The following DENND4A variants were observed in gnomAD, a reference collection of about 807,000 sequenced individuals.
The protein encoded by DENND4A is C-myc promoter-binding protein.
In DENND4A, 70 loss-of-function variants were observed where a neutral mutation model predicts 199.3. The observed-to-expected ratio is 0.35, with a 90% CI of 0.29 to 0.43. The LOEUF (loss-of-function observed/expected upper bound fraction) is 0.43. DENND4A is among the 20% of genes least tolerant of loss of function. The pLI is 1.00. For synonymous variants in DENND4A, 686 were observed against 766.9 expected (o/e 0.89, Z 1.74); for missense variants, 1,723 against 2,255.8 (o/e 0.76, Z 4.78).
At chr15:65,749,388 G>C (rs1398251906) in intron 4 of DENND4A, among the ~76,000 whole-genome samples, 1 of 152,192 alleles carries the variant, frequency 6.6e-6, no homozygotes, top group Non-Finnish European at 1.5e-5. Context: ...TGGTTGTGCA[G>C]AACTGAGTTA....
chr15:65,726,775 G>T (rs1032973120), intron 11 of DENND4A, among the ~76,000 whole-genome samples: 1 of 152,032 alleles, frequency 6.6e-6, no homozygotes, highest in East Asian at 1.9e-4. Context: ...GGCCAACACG[G>T]TGAAAACCCC....
chr15:65,719,534 G>A (rs1052437484), intron 12 of DENND4A, among the ~76,000 whole-genome samples: 10 of 152,136 alleles, frequency 6.6e-5, no homozygotes, highest in East Asian at 1.9e-4. Context: ...AATAGTGTGC[G>A]ATCTGATATA....
In DENND4A at chr15:65,706,309, T is replaced by A. The variant is rs556206446; in HGVS notation, c.1954-85A>T. Reference sequence around the variant, plus strand: ...TAAAGGGAAGTGGTTAAATAAACCATCTGCACAATGGATACTAAACAGCTA... The same window carrying A: ...TAAAGGGAAGTGGTTAAATAAACCAACTGCACAATGGATACTAAACAGCTA... On this transcript the variant is annotated intron_variant, in intron 14 of 32. Transcript: ENST00000443035. The A allele has an allele frequency of 2.2e-4, 274 of 1,260,850 alleles. 1 individual carries two copies. In the East Asian group the frequency reaches 7.9e-3, roughly 36 times the overall value. 78.1% of individuals were successfully genotyped at this position (1,260,850 alleles called of 1,614,324 possible).
At position 65,748,788 on chromosome 15, in the gene DENND4A, C is replaced by T. The variant is rs113063665; in HGVS notation, c.561+3591G>A. ...AATGCTGGAGCTCAGGAGTTCAAGA[C>T]GAGCCGGGGGTATGTAGGGAAACCT... On this transcript the variant is annotated intron_variant, in intron 4 of 32. Coordinates refer to ENST00000443035, the MANE Select transcript of DENND4A (RefSeq NM_001320835.1). Among the ~76,000 whole-genome samples the T allele has an allele frequency of 4.6e-3, 694 of 151,792 alleles. 7 individuals carry two copies. Among genetic ancestry groups the T allele is most frequent in the African/African-American group, 0.016 (670 of 41,420 alleles).
chr15:65,763,044 C>A lies in DENND4A; in HGVS notation c.-101-1606G>T, dbSNP rs76149835. Among the ~76,000 whole-genome samples, 20 of 152,056 alleles carry A rather than the reference C, an allele frequency of 1.3e-4. No homozygotes were observed. In the East Asian group the frequency reaches 3.9e-3, roughly 29 times the overall value. On this transcript the variant is annotated intron_variant, in intron 1 of 32. Transcript: ENST00000443035. ...AATTTAGTAACTTGTAATTATGAGT[C>A]ATTTTAAACACTAGATGGAAAGATG...
intron 11 of DENND4A, among the ~76,000 whole-genome samples, chr15:65,725,793 T>C (rs1328451243): frequency 6.6e-6 from 1 of 152,230 alleles, no homozygotes; most frequent in Non-Finnish European, 1.5e-5. Context: ...TATTAATTTC[T>C]TTCCCTTTCT....
At chr15:65,704,210 G>A (rs1019369836) in intron 15 of DENND4A, among the ~76,000 whole-genome samples, 1 of 152,106 alleles carries the variant, frequency 6.6e-6, no homozygotes, top group Non-Finnish European at 1.5e-5. Context: ...CAAAGACAAT[G>A]TAAGTTTATG....
At chr15:65,749,966 G>C (rs1441318865) in intron 4 of DENND4A, among the ~76,000 whole-genome samples, 1 of 152,068 alleles carries the variant, frequency 6.6e-6, no homozygotes, top group Non-Finnish European at 1.5e-5. Context: ...ATTAATCAAA[G>C]TAGCATTACT....
intron 23 of DENND4A, among the ~76,000 whole-genome samples, chr15:65,684,525 A>G (rs781061629): frequency 2.0e-4 from 30 of 152,170 alleles, no homozygotes; most frequent in Non-Finnish European, 4.0e-4. Context: ...CTTTGGTGAA[A>G]TATCTATTTA....
chr15:65,707,780 G>T (rs1279459468), intron 14 of DENND4A, among the ~76,000 whole-genome samples: 3 of 151,610 alleles, frequency 2.0e-5, no homozygotes, highest in Non-Finnish European at 4.4e-5. Flanking sequence ...CCGCCTCCCA[G>T]GTTCAAGCAA....
intron 2 of DENND4A, among the ~76,000 whole-genome samples, chr15:65,760,944 A>G (rs1191776589): frequency 3.9e-5 from 6 of 152,170 alleles, no homozygotes; most frequent in Admixed American, 2.6e-4. Flanking sequence ...CATATATTTA[A>G]TAAGTTTTTT....
chr15:65,737,055 A>G (rs2076139245), intron 7 of DENND4A, among the ~76,000 whole-genome samples: 1 of 152,148 alleles, frequency 6.6e-6, no homozygotes, highest in Non-Finnish European at 1.5e-5. Flanking sequence ...TTATATGTAA[A>G]TACGGTAAGG....
rs1596472840 is a variant in DENND4A at position 65,701,884 on chromosome 15, A to G, written c.2437T>C (p.Tyr813His). 4 of 1,613,774 alleles carry G rather than the reference A, an allele frequency of 2.5e-6. No individual in the cohort carries two copies. Among genetic ancestry groups the G allele is most frequent in the South Asian group, 2.2e-5 (2 of 91,038 alleles). The change falls in exon 18 of 33, where the codon TAC becomes CAC. Residue 813 changes from tyrosine to histidine, a missense_variant. Tyr to His is a moderately conservative substitution (Grantham distance 83). Transcript: ENST00000443035. Reference protein sequence around the residue: ...KKMDPPDEVCYRILMQLCGQY... With the variant: ...KKMDPPDEVCHRILMQLCGQY... The stretch of plus-strand genomic sequence containing the variant: ...CCACAGAGTTGCATAAGAATGCGGT[A>G]GCATACCTGAAATACAAGTTCAAAA...
intron 20 of DENND4A, among the ~76,000 whole-genome samples, chr15:65,699,541 A>AAT (rs1306907306): frequency 1.3e-5 from 2 of 150,912 alleles, no homozygotes; most frequent in African/African-American, 4.8e-5. Flanking sequence ...CACATATATA[A>AAT]ACATACACAT....
At chr15:65,696,324 C>T in intron 22 of DENND4A, 42 bp downstream of exon 22, 3 of 1,584,902 alleles carry the variant, frequency 1.9e-6, no homozygotes, top group Non-Finnish European at 2.6e-6. Context: ...CATACAGATA[C>T]AATTTATTCC....
chr15:65,679,759 C>T (rs1459296134), intron 23 of DENND4A, among the ~76,000 whole-genome samples: 1 of 151,892 alleles, frequency 6.6e-6, no homozygotes, highest in African/African-American at 2.4e-5. Context: ...GAACTCAGAC[C>T]TTCCCTTGAA....
intron 2 of DENND4A, among the ~76,000 whole-genome samples, chr15:65,757,568 G>T (rs1004810546): frequency 5.9e-5 from 9 of 152,158 alleles, no homozygotes; most frequent in African/African-American, 2.2e-4. Flanking sequence ...AGGGAGGGTA[G>T]CGGGGGAGTC....
chr15:65,662,100 G>C, intron 32 of DENND4A, 113 bp from the exon 33 acceptor site: 8 of 815,814 alleles, frequency 9.8e-6, no homozygotes, highest in Non-Finnish European at 1.5e-5. Context: ...AGAAGGAATT[G>C]CTAGGACATT....
chr15:65,747,670 CCA>C (rs2076438285), intron 4 of DENND4A, among the ~76,000 whole-genome samples: 1 of 152,140 alleles, frequency 6.6e-6, no homozygotes, highest in Non-Finnish European at 1.5e-5. Flanking sequence ...TCAATACACC[CCA>C]GTTTTTCGTC....
Sources: allele counts gnomAD v4.1 joint callset (sites outside exome capture counted in the v4.1 genomes callset), GRCh38; gene constraint gnomAD v4.1.1; transcripts MANE v1.5; gene names NCBI Gene and HGNC (gene_info 2026-07-23, HGNC 2026-07-21).